Variants in EPB41L1 observed in about 807,000 individuals in gnomAD.
EPB41L1 encodes band 4.1-like protein 1.
Under a neutral mutation model 97.8 loss-of-function variants are expected in EPB41L1, and 29 were observed. That is an observed-to-expected ratio of 0.30 (90% CI 0.22 to 0.40). The LOEUF is 0.40. EPB41L1 is among the 10% of genes least tolerant of loss of function. EPB41L1 has a pLI of 1.00. For synonymous variants in EPB41L1, 383 were observed against 459.2 expected, an observed-to-expected ratio of 0.83 and a Z score of 2.12; for missense variants, 812 against 1,162.3, an observed-to-expected ratio of 0.70 and a Z score of 4.38.
chr20:36,229,020 T>G (rs2064352896), intron 21 of EPB41L1, among the ~76,000 whole-genome samples: 1 of 152,110 alleles, frequency 6.6e-6, no homozygotes, highest in Non-Finnish European at 1.5e-5. Flanking sequence ...TTCGGTTCTC[T>G]GCTGCCACAC....
intron 1 of EPB41L1, chr20:36,155,838 G>A (rs1444247642): frequency 2.9e-6 from 1 of 350,824 alleles, no homozygotes; most frequent in Non-Finnish European, 5.7e-6. Flanking sequence ...AGGTGGGAAT[G>A]TGAGACGGCC....
chr20:36,135,527 T>C (rs2059386301), intron 2 of EPB41L1, among the ~76,000 whole-genome samples: 1 of 152,180 alleles, frequency 6.6e-6, no homozygotes, highest in East Asian at 1.9e-4. Context: ...ATAAAATGGG[T>C]ATATTAATAC....
chr20:36,181,262 A>G (rs2061460917), intron 5 of EPB41L1, among the ~76,000 whole-genome samples: 1 of 152,144 alleles, frequency 6.6e-6, no homozygotes, highest in Non-Finnish European at 1.5e-5. Context: ...GGGTGGTCTG[A>G]CCATTGTTGT....
At chr20:36,183,065 T>G (rs1418814246) in intron 6 of EPB41L1, among the ~76,000 whole-genome samples, 1 of 152,206 alleles carries the variant, frequency 6.6e-6, no homozygotes, top group Non-Finnish European at 1.5e-5. Context: ...CAAAGCATCC[T>G]TCAGGATGAG....
rs761006347 is a variant in EPB41L1, at chr20:36,219,860, G to A, written c.2439+16G>A. 4 of 1,611,546 alleles carry A rather than the reference G, an allele frequency of 2.5e-6. No individual in the cohort carries two copies. The African/African-American group carries it at 4.0e-5, about 16-fold the overall frequency. Reference sequence around the variant, plus strand: ...TGTCACCAAAGTGAGTAGCAGCAGGGCGCCCCATGCCCCCAGCCGAGCTGC... The same window carrying A: ...TGTCACCAAAGTGAGTAGCAGCAGGACGCCCCATGCCCCCAGCCGAGCTGC... On this transcript the variant is annotated intron_variant, in intron 19 of 21. Transcript: ENST00000338074.
intron 15 of EPB41L1, among the ~76,000 whole-genome samples, chr20:36,210,484 C>G (rs1020687366): frequency 6.6e-6 from 1 of 152,124 alleles, no homozygotes; most frequent in Non-Finnish European, 1.5e-5. Context: ...CTGCCCATAT[C>G]ATTCCTTTGC....
intron 2 of EPB41L1, among the ~76,000 whole-genome samples, chr20:36,126,068 G>A (rs2058954011): frequency 6.6e-6 from 1 of 152,168 alleles, no homozygotes; most frequent in Admixed American, 6.5e-5. Context: ...TGTGGGTTTT[G>A]ATGCCTGTAG....
At chr20:36,178,727 G>A in intron 5 of EPB41L1, 55 bp downstream of exon 5, 33 of 1,574,022 alleles carry the variant, frequency 2.1e-5, no homozygotes, top group Non-Finnish European at 2.9e-5. Flanking sequence ...TCCAGGCCAT[G>A]AGAGCCCCCC....
upstream of EPB41L1, chr20:36,151,173 C>T (rs142275536): frequency 6.6e-6 from 1 of 152,472 alleles, no homozygotes; most frequent in African/African-American, 2.4e-5. Flanking sequence ...GCCAGTGGAG[C>T]GAATCACTTC....
intron 1 of EPB41L1, among the ~76,000 whole-genome samples, chr20:36,167,224 C>A (rs1394388698): frequency 6.6e-6 from 1 of 152,076 alleles, no homozygotes; most frequent in Non-Finnish European, 1.5e-5. Context: ...CAAAGCCTCG[C>A]ACAGTCGAAG....
At chr20:36,099,205 A>C (rs2057930939) in intron 1 of EPB41L1, among the ~76,000 whole-genome samples, 2 of 152,224 alleles carry the variant, frequency 1.3e-5, no homozygotes, top group South Asian at 4.1e-4. Flanking sequence ...GAAATGGGAC[A>C]GTAGCACCTA....
intron 1 of EPB41L1, among the ~76,000 whole-genome samples, chr20:36,104,312 G>T (rs1217974750): frequency 6.6e-6 from 1 of 152,222 alleles, no homozygotes; most frequent in Non-Finnish European, 1.5e-5. Flanking sequence ...GAATGGGGAA[G>T]TGGGGTGCAT....
intron 1 of EPB41L1, 104 bp from the exon 2 acceptor site, chr20:36,173,660 C>T (rs1689526276): frequency 3.0e-6 from 3 of 1,014,822 alleles, no homozygotes; most frequent in Non-Finnish European, 4.7e-6. Flanking sequence ...GACTCTTTGT[C>T]CGTTTGCCTC....
At chr20:36,183,673 C>T (rs866637601) in intron 6 of EPB41L1, among the ~76,000 whole-genome samples, 5 of 152,156 alleles carry the variant, frequency 3.3e-5, no homozygotes, top group African/African-American at 1.2e-4. Flanking sequence ...AATAGTTAGG[C>T]CCGAAATAAA....
At chr20:36,197,785 C>T (rs2062282352) in intron 13 of EPB41L1, 74 bp from the exon 14 acceptor site, 1 of 1,612,858 alleles carries the variant, frequency 6.2e-7, no homozygotes, top group African/African-American at 1.3e-5. Context: ...GTGACTGCTG[C>T]CATCATCCCT....
chr20:36,205,903 G>A (rs879915461), intron 14 of EPB41L1: 51 of 1,289,708 alleles, frequency 4.0e-5, no homozygotes, highest in East Asian at 5.5e-5. Context: ...AGAAGAGCTC[G>A]GTCTCCTAAA....
At chr20:36,201,057 C>T (rs928033305) in intron 14 of EPB41L1, 17 of 439,946 alleles carry the variant, frequency 3.9e-5, no homozygotes, top group Non-Finnish European at 6.9e-5. Flanking sequence ...AACCCTTTCT[C>T]TGGGGTGAGG....
rs543484173 is a variant in EPB41L1 at position 36,205,750 on chromosome 20, C to A, written c.1669-3738C>A. 2.3e-5 allele frequency: 27 copies of A among 1,149,484 alleles called. No homozygotes were observed. The African/African-American group carries it at 4.4e-4, about 19-fold the overall frequency. 71.2% of individuals were successfully genotyped at this position (1,149,484 alleles called of 1,614,324 possible). A position where few individuals can be genotyped will look rare whatever the true frequency, so the allele number is the denominator to read the frequency against. On this transcript the variant is annotated intron_variant, in intron 14 of 21. Coordinates refer to ENST00000338074, the MANE Select transcript of EPB41L1 (RefSeq NM_012156.2). The stretch of plus-strand genomic sequence containing the variant: ...TGTGCTGTCCCAAAGTCAAACATTT[C>A]AGTGGTAGATTGGTCCCCTCTTACA...
rs188923207 is a variant in EPB41L1 at position 36,156,213 on chromosome 20, C to G, written c.-15+1317C>G. ...CCAGCCTGAGGTCATGCCTGCCTGG[C>G]AACCCAGGCATAGTATTTATGGCAT... On this transcript the variant is annotated intron_variant, in intron 1 of 21. Transcript: ENST00000338074. 4.5e-4 allele frequency among the ~76,000 whole-genome samples: 68 copies of G among 152,316 alleles called. 2 individuals are homozygous for G. The highest frequency in any genetic ancestry group is 1.6e-3 in the African/African-American group (65 of 41,570).
Sources: gnomAD v4.1 joint callset for allele counts (sites outside exome capture counted in the v4.1 genomes callset) on GRCh38, gnomAD v4.1.1 for gene constraint, MANE v1.5 for transcripts, NCBI Gene and HGNC (gene_info 2026-07-23, HGNC 2026-07-21) for gene names.